Variants in ERLIN1 observed in about 807,000 individuals in gnomAD.
ERLIN1 encodes ER lipid raft associated 1.
Under a neutral mutation model 46.9 loss-of-function variants are expected in ERLIN1, and 24 were observed. That is an observed-to-expected ratio of 0.51 (90% CI 0.37 to 0.72). The LOEUF is 0.72. ERLIN1 is among the 30% of genes least tolerant of loss of function. The pLI is 0.00. For synonymous variants in ERLIN1, 158 were observed against 143.2 expected (o/e 1.10, Z -0.74); for missense variants, 293 against 417.9 (o/e 0.70, Z 2.61).
At chr10:100,159,773 C>T (rs573672322) in intron 8 of ERLIN1, among the ~76,000 whole-genome samples, 1 of 151,088 alleles carries the variant, frequency 6.6e-6, no homozygotes, top group East Asian at 1.9e-4. Flanking sequence ...CTAAAGCAAT[C>T]CTTAGAAGAA....
At chr10:100,181,524 T>C (rs1420660821) in intron 2 of ERLIN1, among the ~76,000 whole-genome samples, 2 of 150,704 alleles carry the variant, frequency 1.3e-5, no homozygotes, top group Admixed American at 1.3e-4. Flanking sequence ...TTTTTTTTTT[T>C]TTTTTTTTGA....
chr10:100,159,062 CAT>C (rs1423454454), intron 8 of ERLIN1, among the ~76,000 whole-genome samples: 2 of 152,070 alleles, frequency 1.3e-5, no homozygotes. Flanking sequence ...ACACCTAAAA[CAT>C]AATGACATAG....
chr10:100,152,380 C>T lies in ERLIN1; in HGVS notation c.826-28G>A, dbSNP rs749849097. ...GTGTGGGAGCAAACAAGAGCAAAGG[C>T]ATCAGAATACTCTGGTGCAACAGTC... On this transcript the variant is annotated intron_variant, in intron 10 of 10. Transcript: ENST00000421367. 4 of 1,247,846 alleles carry T rather than the reference C, an allele frequency of 3.2e-6. No individual in the cohort carries two copies. In the South Asian group the frequency reaches 4.7e-5, roughly 15 times the overall value. 77.3% of individuals were successfully genotyped at this position (1,247,846 alleles called of 1,614,324 possible). A position where few individuals can be genotyped will look rare whatever the true frequency, so the allele number is the denominator to read the frequency against.
intron 9 of ERLIN1, 78 bp from the exon 10 acceptor site, chr10:100,155,017 G>A: frequency 8.5e-7 from 1 of 1,177,924 alleles, no homozygotes; most frequent in Non-Finnish European, 1.3e-6. Flanking sequence ...GCTTAATATT[G>A]TGACTGCTTA....
At chr10:100,179,373 T>C (rs1307015619) in intron 2 of ERLIN1, 126 bp from the exon 3 acceptor site, 16 of 600,486 alleles carry the variant, frequency 2.7e-5, no homozygotes, top group Non-Finnish European at 4.5e-5. Context: ...CAATTTCAGT[T>C]CCCAAAGATT....
At chr10:100,179,737 G>C (rs929353796) in intron 2 of ERLIN1, among the ~76,000 whole-genome samples, 7 of 152,152 alleles carry the variant, frequency 4.6e-5, no homozygotes, top group Admixed American at 4.6e-4. Context: ...GATTACAGGC[G>C]TGAGCCACTG....
Position 100,154,879 on chromosome 10 carries a change from T to G in ERLIN1, c.806A>C (p.Lys269Thr), listed in dbSNP as rs1842991378. Reference sequence around the variant, plus strand: ...AGTCACCTTGTTTGAGGTGGCATATTTGTGTGCAGCATAATATTCAGCATC... The same window carrying G: ...AGTCACCTTGTTTGAGGTGGCATATGTGTGTGCAGCATAATATTCAGCATC... The part of the protein sequence containing the change: ...KADAEYYAAH[K>T]YATSNKHKLT... The change falls in exon 10 of 11, where the codon AAA becomes ACA. Residue 269 changes from lysine (K) to threonine (T), a missense_variant. Around this residue, in one of 3 missense-constraint regions of ERLIN1, gnomAD observed 148 missense variants for 266.5 expected, o/e 0.56. Transcript: ENST00000421367. 6 of 1,613,894 alleles carry G rather than the reference T, an allele frequency of 3.7e-6. No homozygotes were observed. Among genetic ancestry groups the G allele is most frequent in the Non-Finnish European group, 5.1e-6 (6 of 1,179,816 alleles).
At chr10:100,179,172 G>C (rs1232721159) in intron 3 of ERLIN1, 29 bp downstream of exon 3, 3 of 1,559,592 alleles carry the variant, frequency 1.9e-6, no homozygotes, top group Non-Finnish European at 2.6e-6. Context: ...TGAGCTAAAG[G>C]GAGGCTCGTA....
In ERLIN1 at chr10:100,185,107, T is replaced by C. The variant is rs1844887917; in HGVS notation, c.113+407A>G. 3.3e-5 allele frequency among the ~76,000 whole-genome samples: 5 copies of C among 151,522 alleles called. 1 individual carries two copies. Among genetic ancestry groups the C allele is most frequent in the African/African-American group, 9.7e-5 (4 of 41,262 alleles). On this transcript the variant is annotated intron_variant, in intron 1 of 10. Transcript: ENST00000421367. ...GGTGTTACAAGACGTAACCAGACAC[T>C]GGAAGCTTTTAAATGAAAAAGTCTA...
chr10:100,152,140 GCT>G lies in ERLIN1; in HGVS notation c.1036_1037del (p.Ser346HisfsTer20), dbSNP rs777934587. On this transcript the variant is annotated frameshift_variant, in exon 11 of 11. Transcript: ENST00000421367. LOFTEE classifies it high-confidence loss of function. ...SGENVIQNKE[S>X]TG ...ATTTCCACCTCTTGCATCAACCTGT[GCT>G]CTCTTTGTTTTGGATGACGTTCTCT... is the stretch of plus-strand genomic sequence containing the variant. 6.2e-7 allele frequency: 1 copy of G among 1,607,540 alleles called. No homozygotes were observed. The highest frequency in any genetic ancestry group is 8.5e-7 in the Non-Finnish European group (1 of 1,174,030).
At position 100,184,952 on chromosome 10, in the gene ERLIN1, G is replaced by C. The variant is rs577327307; in HGVS notation, c.113+562C>G. ...GAAAAGCTAAGCGAGCTCAACAAGAGAGCAACAGCTCCCACACCACTCCTG... is the reference window on the plus strand; with the variant it reads ...GAAAAGCTAAGCGAGCTCAACAAGACAGCAACAGCTCCCACACCACTCCTG... On this transcript the variant is annotated intron_variant, in intron 1 of 10. Transcript: ENST00000421367. Among the ~76,000 whole-genome samples, 15 of 152,196 alleles carry C rather than the reference G, an allele frequency of 9.9e-5. No individual in the cohort carries two copies. In the East Asian group the frequency reaches 2.9e-3, roughly 29 times the overall value.
At chr10:100,166,020 C>T (rs1397442058) in intron 7 of ERLIN1, among the ~76,000 whole-genome samples, 3 of 152,198 alleles carry the variant, frequency 2.0e-5, no homozygotes, top group Non-Finnish European at 4.4e-5. Flanking sequence ...GCCACCACAG[C>T]CCGCCTATAA....
intron 2 of ERLIN1, 117 bp from the exon 3 acceptor site, chr10:100,179,364 A>G (rs1239678133): frequency 3.2e-6 from 2 of 619,430 alleles, no homozygotes; most frequent in Admixed American, 5.8e-5. Context: ...GATCCATCAC[A>G]ATTTCAGTTC....
Position 100,185,605 on chromosome 10 carries a change from C to G in ERLIN1, c.22G>C (p.Val8Leu), listed in dbSNP as rs534208883. Residue 8 changes from valine to leucine, a missense_variant, in exon 1 of 11, where the codon GTT (valine) becomes CTT (leucine). By Grantham distance (32) the Val-to-Leu change is conservative (BLOSUM62 1). Transcript: ENST00000421367. Reference sequence around the variant, plus strand: ...AACCCCACCACTGCAGCCACCAGAACCCGGGCTTGAGTCATATTCATTCTC... The same window carrying G: ...AACCCCACCACTGCAGCCACCAGAAGCCGGGCTTGAGTCATATTCATTCTC... MNMTQAR[V>L]LVAAVVGLVA... 57 of 1,614,034 alleles carry G rather than the reference C, an allele frequency of 3.5e-5. No individual in the cohort carries two copies. The South Asian group carries it at 6.0e-4, about 17-fold the overall frequency.
intron 6 of ERLIN1, 66 bp downstream of exon 6, chr10:100,174,142 A>C: frequency 1.0e-6 from 1 of 989,888 alleles, no homozygotes; most frequent in Non-Finnish European, 1.6e-6. Flanking sequence ...AAACAATCCA[A>C]TGAAAGGAGG....
chr10:100,164,344 T>C (rs1386367433), intron 7 of ERLIN1, among the ~76,000 whole-genome samples: 1 of 152,246 alleles, frequency 6.6e-6, no homozygotes, highest in Non-Finnish European at 1.5e-5. Flanking sequence ...TAGTTTGGCT[T>C]TCTTCTCCTA....
Position 100,185,931 on chromosome 10 carries a change from G to A in ERLIN1, c.-305C>T, listed in dbSNP as rs1038073992. The A allele has an allele frequency of 6.6e-6, 3 of 455,026 alleles. No individual in the cohort carries two copies. The highest frequency in any genetic ancestry group is 1.2e-5 in the Non-Finnish European group (3 of 258,320). The allele number at this position is 455,026 out of a possible 1,614,324, so 28.2% of individuals were successfully genotyped here. A position where few individuals can be genotyped will look rare whatever the true frequency, so the allele number is the denominator to read the frequency against. ...AGAAGAAGCCCAGCCGCAGGCTCGC[G>A]AGGAAAGCCGACCCCTCGGCCGCGC... On this transcript the variant is annotated 5_prime_UTR_variant, in exon 1 of 11. Transcript: ENST00000421367.
At chr10:100,161,963 A>T (rs1307252956) in intron 8 of ERLIN1, among the ~76,000 whole-genome samples, 1 of 152,194 alleles carries the variant, frequency 6.6e-6, no homozygotes, top group Non-Finnish European at 1.5e-5. Flanking sequence ...CAAAACTTTA[A>T]AACTTTTAGA....
intron 3 of ERLIN1, among the ~76,000 whole-genome samples, chr10:100,178,735 T>C (rs1355801177): frequency 3.3e-5 from 5 of 152,234 alleles, no homozygotes; most frequent in African/African-American, 9.6e-5. Context: ...AGGCACTTCA[T>C]ATACAGTAAT....
Sources: gnomAD v4.1 joint callset for allele counts (sites outside exome capture counted in the v4.1 genomes callset) on GRCh38, gnomAD v4.1.1 for gene constraint, gnomAD v4.1.1 regional missense constraint, MANE v1.5 for transcripts, NCBI Gene and HGNC (gene_info 2026-07-23, HGNC 2026-07-21) for gene names.